The following COL21A1 variants were observed in gnomAD, a reference collection of about 807,000 sequenced individuals.
The protein encoded by COL21A1 is collagen alpha-1(XXI) chain.
Under a neutral mutation model 137.9 loss-of-function variants are expected in COL21A1, and 149 were observed. The observed-to-expected ratio is 1.08, with a 90% CI of 0.95 to 1.24. COL21A1 has a LOEUF of 1.24. Ranked by LOEUF, COL21A1 falls within the 50% of genes most tolerant of loss-of-function variation. The pLI is 0.00. For missense variants in COL21A1, 1,167 were observed against 1,158.4 expected (o/e 1.01, Z -0.11); for synonymous variants, 456 against 391.5 (o/e 1.16, Z -1.95).
At chr6:56,311,625 T>C (rs1401896431) in intron 1 of COL21A1, among the ~76,000 whole-genome samples, 1 of 152,130 alleles carries the variant, frequency 6.6e-6, no homozygotes, top group East Asian at 1.9e-4. Context: ...AAATATATGG[T>C]GTGTGTGTAC....
chr6:56,198,367 T>C (rs1202858042), intron 1 of COL21A1, among the ~76,000 whole-genome samples: 1 of 152,112 alleles, frequency 6.6e-6, no homozygotes, highest in East Asian at 1.9e-4. Flanking sequence ...CAAGTTTCCT[T>C]ACCACAGAAA....
rs1230520059 is a variant in COL21A1, at chr6:56,103,121, A to G, written c.1759-1596T>C. ...TCTCTCCTATTAGTAGTTCTCAAAT[A>G]TGGTCCTCAGACCAGGCAAGATCAA... On this transcript the variant is annotated intron_variant, in intron 16 of 29. Transcript: ENST00000244728. Among the ~76,000 whole-genome samples, 3 of 152,194 alleles carry G rather than the reference A, an allele frequency of 2.0e-5. No homozygotes were observed. In the East Asian group the frequency reaches 5.8e-4, roughly 29 times the overall value.
intron 1 of COL21A1, among the ~76,000 whole-genome samples, chr6:56,193,310 T>TA: frequency 6.6e-6 from 1 of 151,500 alleles, no homozygotes; most frequent in East Asian, 1.9e-4. Flanking sequence ...TAAAGTATAA[T>TA]AAAAAATAAA....
At chr6:56,248,544 C>A (rs1562023779), upstream of COL21A1, among the ~76,000 whole-genome samples, 1 of 152,194 alleles carries the variant, frequency 6.6e-6, no homozygotes, top group South Asian at 2.1e-4. Context: ...CTATCCAACT[C>A]AAGGTATGCT....
At chr6:56,124,768 A>C (rs1010385370) in intron 14 of COL21A1, among the ~76,000 whole-genome samples, 54 of 151,842 alleles carry the variant, frequency 3.6e-4, no homozygotes, top group African/African-American at 1.3e-3. Flanking sequence ...CAGGCTCCCG[A>C]GTAGCTGGGA....
intron 10 of COL21A1, 74 bp from the exon 11 acceptor site, chr6:56,142,057 T>C: frequency 9.2e-7 from 1 of 1,092,774 alleles, no homozygotes; most frequent in Non-Finnish European, 1.3e-6. Flanking sequence ...GTTTCAGAAT[T>C]CACTCTTATC....
rs116384312 is a variant in COL21A1 at position 56,116,880 on chromosome 6, T to C, written c.1758+7182A>G. Among the ~76,000 whole-genome samples the C allele has an allele frequency of 8.1e-3, 1,237 of 152,226 alleles. 18 individuals carry two copies. The highest frequency in any genetic ancestry group is 0.029 in the African/African-American group (1,192 of 41,576). On this transcript the variant is annotated intron_variant, in intron 16 of 29. Transcript: ENST00000244728. ...GTTTGTTTATGCAAATAGCATTAAG[T>C]TGTTATCAGTTTAAAATAATGGGTT...
chr6:56,145,734 C>A (rs928016392), intron 10 of COL21A1, among the ~76,000 whole-genome samples: 1 of 152,054 alleles, frequency 6.6e-6, no homozygotes, highest in African/African-American at 2.4e-5. Flanking sequence ...TACTGTTCAA[C>A]ATGAATTTTG....
chr6:56,393,515 A>G (rs2152354385), intron 1 of COL21A1, among the ~76,000 whole-genome samples: 1 of 152,334 alleles, frequency 6.6e-6, no homozygotes, highest in East Asian at 1.9e-4. Flanking sequence ...ATTTAAGCTC[A>G]AAATCTTCTG....
At chr6:56,223,455 T>C (rs17222493) in intron 1 of COL21A1, among the ~76,000 whole-genome samples, 9,710 of 152,198 alleles carry the variant, frequency 0.064, 354 homozygotes, top group Middle Eastern at 0.13. Context: ...AATCATTAAA[T>C]TTAAAAACTA....
intron 1 of COL21A1, among the ~76,000 whole-genome samples, chr6:56,308,192 A>ATGGT: frequency 6.6e-6 from 1 of 152,334 alleles, no homozygotes; most frequent in East Asian, 1.9e-4. Context: ...AGAATCCCTT[A>ATGGT]TGGTTTTATG....
At chr6:56,060,418 C>T in intron 27 of COL21A1, 200 bp from the exon 28 acceptor site, 1 of 530,748 alleles carries the variant, frequency 1.9e-6, no homozygotes, top group Admixed American at 4.0e-5. Context: ...AGAGCAATTG[C>T]TTAAAATAGG....
At position 56,179,961 on chromosome 6, in the gene COL21A1, A is replaced by G; in HGVS notation, c.257T>C (p.Val86Ala). The change falls in exon 3 of 30, where the codon GTG (valine) becomes GCG (alanine). Residue 86 changes from valine to alanine, a missense_variant. By Grantham distance (64) the Val-to-Ala change is moderately conservative. Coordinates refer to ENST00000244728, the MANE Select transcript of COL21A1 (RefSeq NM_030820.4). ...VGVVQYSDYP[V>A]LEIPLGSYDS... ...ATAGCTTCCGAGAGGAATCTCCAGC[A>G]CAGGGTAGTCACTATATTGAACCAC... 6.2e-7 allele frequency: 1 copy of G among 1,613,964 alleles called. No homozygotes were observed. Among genetic ancestry groups the G allele is most frequent in the East Asian group, 2.2e-5 (1 of 44,870 alleles).
chr6:56,103,803 G>A (rs539615120), intron 16 of COL21A1, among the ~76,000 whole-genome samples: 1 of 152,270 alleles, frequency 6.6e-6, no homozygotes, highest in South Asian at 2.1e-4. Flanking sequence ...CACCCGGAAG[G>A]TTTGTTAAAC....
intron 1 of COL21A1, among the ~76,000 whole-genome samples, chr6:56,341,570 G>A (rs1765468689): frequency 6.6e-6 from 1 of 152,224 alleles, no homozygotes; most frequent in African/African-American, 2.4e-5. Context: ...TGGTGTCAGG[G>A]ATTAGGAGAA....
chr6:56,323,623 C>T (rs1297757490), intron 1 of COL21A1, among the ~76,000 whole-genome samples: 1 of 152,000 alleles, frequency 6.6e-6, no homozygotes, highest in Admixed American at 6.6e-5. Flanking sequence ...CTTCTGAACT[C>T]GTGATCCACC....
chr6:56,213,991 T>C (rs923007353), intron 1 of COL21A1, among the ~76,000 whole-genome samples: 3 of 152,084 alleles, frequency 2.0e-5, no homozygotes, highest in Non-Finnish European at 4.4e-5. Context: ...CACAAAGTGG[T>C]ACCTAAATAG....
chr6:56,178,917 A>G (rs1467578311), intron 3 of COL21A1, among the ~76,000 whole-genome samples: 2 of 152,114 alleles, frequency 1.3e-5, no homozygotes, highest in Non-Finnish European at 2.9e-5. Context: ...TTTCTGAAGA[A>G]ATAATGAAAT....
At position 56,129,699 on chromosome 6, in the gene COL21A1, T is replaced by TGTGTGAGAGAGA. The variant is rs1450514214; in HGVS notation, c.1543-3551_1543-3550insTCTCTCTCACAC. On this transcript the variant is annotated intron_variant, in intron 12 of 29. Transcript: ENST00000244728. ...GCGTGTGTGTGTGTGTGTGTGTGTGTGAGAGAGAGAGAGAGAGAGAGAGAC... is the reference window on the plus strand; with the variant it reads ...GCGTGTGTGTGTGTGTGTGTGTGTGTGTGTGAGAGAGAGAGAGAGAGAGAGAGAGAGAGAGAC... 1.3e-3 allele frequency among the ~76,000 whole-genome samples: 153 copies of TGTGTGAGAGAGA among 120,514 alleles called. 1 individual carries two copies. The highest frequency in any genetic ancestry group is 4.3e-3 in the South Asian group (15 of 3,486). 79.1% of individuals were successfully genotyped at this position (120,514 alleles called of 152,430 possible).
Sources: allele counts gnomAD v4.1 joint callset (sites outside exome capture counted in the v4.1 genomes callset), GRCh38; gene constraint gnomAD v4.1.1; transcripts MANE v1.5; gene names NCBI Gene and HGNC (gene_info 2026-07-23, HGNC 2026-07-21).